Variants in DIP2B observed in about 807,000 individuals in gnomAD.
DIP2B encodes disco-interacting protein 2 homolog B.
A neutral mutation model predicts 198.0 loss-of-function variants in DIP2B; 76 were observed. The ratio of observed to expected loss-of-function variants is 0.38; its 90% CI spans 0.32 to 0.46. DIP2B has a LOEUF of 0.46. Among genes scored for constraint, DIP2B ranks in the 20% least tolerant of loss-of-function variants. DIP2B has a pLI of 0.99. For synonymous variants in DIP2B, 701 were observed against 739.1 expected, an observed-to-expected ratio of 0.95 and a Z score of 0.84; for missense variants, 1,559 against 1,978.4, an observed-to-expected ratio of 0.79 and a Z score of 4.02.
intron 4 of DIP2B, among the ~76,000 whole-genome samples, chr12:50,663,890 A>AAG (rs1938700669): frequency 6.6e-6 from 1 of 151,492 alleles, no homozygotes; most frequent in South Asian, 2.1e-4. Flanking sequence ...AAAAAAAAAA[A>AAG]AAAAGCAAAC....
intron 1 of DIP2B, among the ~76,000 whole-genome samples, chr12:50,596,415 C>G (rs1958879240): frequency 6.6e-6 from 1 of 152,164 alleles, no homozygotes; most frequent in Non-Finnish European, 1.5e-5. Context: ...GCTGTGGAAT[C>G]TTAGAGCTTT....
At chr12:50,597,809 G>A (rs1425851428) in intron 1 of DIP2B, among the ~76,000 whole-genome samples, 1 of 152,136 alleles carries the variant, frequency 6.6e-6, no homozygotes, top group Non-Finnish European at 1.5e-5. Flanking sequence ...TTCAGTCTTT[G>A]TGCACATAAA....
At chr12:50,507,461 T>C (rs1262666293) in intron 1 of DIP2B, among the ~76,000 whole-genome samples, 2 of 152,244 alleles carry the variant, frequency 1.3e-5, no homozygotes, top group African/African-American at 4.8e-5. Flanking sequence ...CTGTAGCATA[T>C]TTGGAGCTAA....
At chr12:50,556,886 T>C (rs1028863042) in intron 1 of DIP2B, among the ~76,000 whole-genome samples, 5 of 152,142 alleles carry the variant, frequency 3.3e-5, no homozygotes, top group Admixed American at 6.5e-5. Flanking sequence ...ATTTTTGTAT[T>C]TTTAGTAGAG....
At chr12:50,534,369 A>ATTTTTTTTT (rs72095442) in intron 1 of DIP2B, among the ~76,000 whole-genome samples, 8 of 107,870 alleles carry the variant, frequency 7.4e-5, no homozygotes, top group Non-Finnish European at 1.2e-4. Context: ...TTCTCATTTC[A>ATTTTTTTTT]TTTTTTTTTT....
intron 1 of DIP2B, among the ~76,000 whole-genome samples, chr12:50,511,561 G>A (rs1958017232): frequency 6.6e-6 from 1 of 151,890 alleles, no homozygotes; most frequent in Admixed American, 6.6e-5. Context: ...CCAAAGTGCT[G>A]GGATTACAGG....
intron 1 of DIP2B, among the ~76,000 whole-genome samples, chr12:50,623,429 ACACACACACTCTCTCTCT>A (rs1228333731): frequency 2.0e-3 from 100 of 49,388 alleles, no homozygotes; most frequent in African/African-American, 8.2e-3. Flanking sequence ...ACACACACAC[ACACACACACTCTCTCTCT>A]CTCTCTCTCT....
intron 3 of DIP2B, among the ~76,000 whole-genome samples, chr12:50,657,255 A>C (rs1938571224): frequency 6.8e-6 from 1 of 147,998 alleles, no homozygotes; most frequent in African/African-American, 2.5e-5. Flanking sequence ...AGTTGATTCC[A>C]CCAAGAATTA....
At chr12:50,597,003 A>G (rs961798644) in intron 1 of DIP2B, among the ~76,000 whole-genome samples, 2 of 152,216 alleles carry the variant, frequency 1.3e-5, no homozygotes, top group African/African-American at 2.4e-5. Flanking sequence ...TTTAAAAGAA[A>G]TAATTTAGTT....
At chr12:50,524,271 T>C (rs1470273918) in intron 1 of DIP2B, among the ~76,000 whole-genome samples, 1 of 152,238 alleles carries the variant, frequency 6.6e-6, no homozygotes, top group East Asian at 1.9e-4. Context: ...CCCAGCTTTC[T>C]TCTCTCTAAC....
chr12:50,565,921 A>G (rs1460240326), intron 1 of DIP2B, among the ~76,000 whole-genome samples: 1 of 152,032 alleles, frequency 6.6e-6, no homozygotes, highest in Non-Finnish European at 1.5e-5. Context: ...TGGGCATTTT[A>G]TATGTCTCGA....
At chr12:50,515,059 A>G (rs1445307176) in intron 1 of DIP2B, among the ~76,000 whole-genome samples, 1 of 152,022 alleles carries the variant, frequency 6.6e-6, no homozygotes, top group African/African-American at 2.4e-5. Context: ...CGAGCCTGAA[A>G]GGTGTGGCCT....
intron 7 of DIP2B, 69 bp from the exon 8 acceptor site, chr12:50,678,610 G>C: frequency 6.7e-7 from 1 of 1,489,708 alleles, no homozygotes; most frequent in Non-Finnish European, 9.1e-7. Context: ...ATGCAGTTGA[G>C]ATTAGAGACC....
At chr12:50,588,328 T>G (rs541291666) in intron 1 of DIP2B, among the ~76,000 whole-genome samples, 2 of 152,062 alleles carry the variant, frequency 1.3e-5, no homozygotes, top group South Asian at 4.2e-4. Context: ...ATTCTTTGTA[T>G]TTTTAGAGAT....
intron 1 of DIP2B, among the ~76,000 whole-genome samples, chr12:50,539,746 C>T (rs1408049559): frequency 6.6e-6 from 1 of 152,002 alleles, no homozygotes; most frequent in African/African-American, 2.4e-5. Flanking sequence ...TCTTCTATTA[C>T]TTTTCTCTCA....
chr12:50,716,018 C>G (rs907170616), intron 23 of DIP2B, among the ~76,000 whole-genome samples: 2 of 152,198 alleles, frequency 1.3e-5, no homozygotes, highest in Non-Finnish European at 2.9e-5. Flanking sequence ...CATAGACTCA[C>G]GAAATGCACA....
chr12:50,522,368 G>A (rs752762768), intron 1 of DIP2B, among the ~76,000 whole-genome samples: 8 of 152,320 alleles, frequency 5.3e-5, no homozygotes, highest in Admixed American at 1.3e-4. Context: ...GGTTATTCCA[G>A]TTCAGGGTCT....
At chr12:50,744,153 C>T (rs948351575) in intron 37 of DIP2B, among the ~76,000 whole-genome samples, 1 of 152,194 alleles carries the variant, frequency 6.6e-6, no homozygotes. Flanking sequence ...GGGTGCTCAC[C>T]ACCAAGTCTG....
intron 25 of DIP2B, among the ~76,000 whole-genome samples, chr12:50,720,622 A>G (rs1200498223): frequency 1.3e-5 from 2 of 152,042 alleles, no homozygotes; most frequent in Non-Finnish European, 1.5e-5. Flanking sequence ...CTCATATTTC[A>G]TTTAAAAATG....
Sources: allele counts gnomAD v4.1 joint callset (sites outside exome capture counted in the v4.1 genomes callset), GRCh38; gene constraint gnomAD v4.1.1; transcripts MANE v1.5; gene names NCBI Gene and HGNC (gene_info 2026-07-23, HGNC 2026-07-21).